The following NRG4 variants were observed in gnomAD, a reference collection of about 807,000 sequenced individuals.
NRG4 encodes the protein neuregulin 4.
A neutral mutation model predicts 15.0 loss-of-function variants in NRG4; 10 were observed. That is an observed-to-expected ratio of 0.67 (90% CI 0.41 to 1.13). NRG4 has a LOEUF of 1.13. Among genes scored for constraint, NRG4 ranks in the 50% most tolerant of loss-of-function variants. The pLI is 0.00. For synonymous variants in NRG4, 41 were observed against 50.1 expected (o/e 0.82, Z 0.77); for missense variants, 139 against 140.2 (o/e 0.99, Z 0.04).
Position 75,941,297 on chromosome 15 carries a change from A to T in NRG4, c.*2341T>A, listed in dbSNP as rs916071829. On this transcript the variant is annotated 3_prime_UTR_variant, in exon 6 of 6. Coordinates refer to ENST00000394907, the MANE Select transcript of NRG4 (RefSeq NM_138573.4). ...AAAAAACACACAAGTGTTGGCAAGG[A>T]TGTGGAGAAATTGGAACTCTTATTA... 5 of 152,172 alleles carry T rather than the reference A, an allele frequency of 3.3e-5. No homozygotes were observed. Among genetic ancestry groups the T allele is most frequent in the Non-Finnish European group, 7.4e-5 (5 of 68,006 alleles). The allele number at this position is 152,172 out of a possible 1,614,324, so 9.4% of individuals were successfully genotyped here. A position where few individuals can be genotyped will look rare whatever the true frequency, so the allele number is the denominator to read the frequency against.
intron 3 of NRG4, among the ~76,000 whole-genome samples, chr15:75,981,440 C>A (rs912044601): frequency 2.6e-5 from 4 of 152,124 alleles, no homozygotes; most frequent in Non-Finnish European, 4.4e-5. Context: ...CTATTTTAAG[C>A]CACTGAGTTT....
intron 2 of NRG4, among the ~76,000 whole-genome samples, chr15:76,056,341 CA>C (rs1449919881): frequency 6.6e-6 from 1 of 152,016 alleles, no homozygotes; most frequent in Non-Finnish European, 1.5e-5. Context: ...CCTGTAATCC[CA>C]GCTACTCAGG....
intron 3 of NRG4, among the ~76,000 whole-genome samples, chr15:76,004,216 T>G (rs1044950460): frequency 1.5e-4 from 23 of 152,342 alleles, no homozygotes; most frequent in African/African-American, 5.3e-4. Flanking sequence ...ATTAGTGTTA[T>G]AACTTTAAAA....
chr15:76,008,695 C>T (rs2034697753), intron 3 of NRG4, among the ~76,000 whole-genome samples: 1 of 152,134 alleles, frequency 6.6e-6, no homozygotes, highest in Non-Finnish European at 1.5e-5. Flanking sequence ...ACAATAGTGG[C>T]TAAGATACCC....
At chr15:75,947,417 T>A (rs1437674722) in intron 5 of NRG4, among the ~76,000 whole-genome samples, 1 of 152,196 alleles carries the variant, frequency 6.6e-6, no homozygotes, top group Non-Finnish European at 1.5e-5. Flanking sequence ...TCCTTATGAG[T>A]AGCCTGCCCT....
At position 75,942,188 on chromosome 15, in the gene NRG4, G is replaced by A. The variant is rs780772915; in HGVS notation, c.*1450C>T. Reference sequence around the variant, plus strand: ...GGGAGGGGTAAATACATGGAGTAGAGATTTTTAGGGTGGTGAAACTACTGT... The same window carrying A: ...GGGAGGGGTAAATACATGGAGTAGAAATTTTTAGGGTGGTGAAACTACTGT... On this transcript the variant is annotated 3_prime_UTR_variant, in exon 6 of 6. Coordinates refer to ENST00000394907, the MANE Select transcript of NRG4 (RefSeq NM_138573.4). The A allele has an allele frequency of 6.6e-6, 1 of 151,916 alleles. No individual in the cohort carries two copies. The highest frequency in any genetic ancestry group is 1.5e-5 in the Non-Finnish European group (1 of 67,982). 9.4% of individuals were successfully genotyped at this position (151,916 alleles called of 1,614,324 possible). A position where few individuals can be genotyped will look rare whatever the true frequency, so the allele number is the denominator to read the frequency against.
intron 4 of NRG4, among the ~76,000 whole-genome samples, chr15:76,039,078 G>A (rs905230478): frequency 1.6e-4 from 25 of 152,120 alleles, no homozygotes; most frequent in African/African-American, 5.8e-4. Flanking sequence ...ATGCAGACAT[G>A]GCTTAGATCT....
intron 3 of NRG4, 66 bp downstream of exon 3, chr15:76,009,129 ATCACT>A: frequency 1.3e-6 from 1 of 796,674 alleles, no homozygotes; most frequent in Non-Finnish European, 2.3e-6. Flanking sequence ...TTTACTTTTT[ATCACT>A]TCTCAAAGAA....
intron 3 of NRG4, among the ~76,000 whole-genome samples, chr15:75,984,287 G>A (rs951572589): frequency 2.0e-5 from 3 of 151,492 alleles, no homozygotes; most frequent in African/African-American, 4.9e-5. Context: ...CATGTGTCAC[G>A]GCAGGGGGTA....
intron 5 of NRG4, among the ~76,000 whole-genome samples, chr15:76,023,703 A>G (rs2035228483): frequency 6.6e-6 from 1 of 152,130 alleles, no homozygotes; most frequent in Non-Finnish European, 1.5e-5. Flanking sequence ...CTGGGGTTTC[A>G]TCTTCATTCC....
upstream of NRG4, among the ~76,000 whole-genome samples, chr15:76,016,417 A>C (rs1245432702): frequency 6.6e-6 from 1 of 151,902 alleles, no homozygotes; most frequent in African/African-American, 2.4e-5. Flanking sequence ...TAGTTCTTTT[A>C]ATTGTGATGT....
At chr15:76,009,067 T>G in intron 3 of NRG4, 133 bp downstream of exon 3, 1 of 627,792 alleles carries the variant, frequency 1.6e-6, no homozygotes, top group Non-Finnish European at 2.8e-6. Flanking sequence ...AAGGATAATT[T>G]TCCCTAAATA....
rs1477074979 is a variant in NRG4 at position 75,941,928 on chromosome 15, T to A, written c.*1710A>T. 1.8e-5 allele frequency: 2 copies of A among 108,916 alleles called. No homozygotes were observed. The highest frequency in any genetic ancestry group is 3.6e-5 in the Non-Finnish European group (2 of 55,236). 6.7% of individuals were successfully genotyped at this position (108,916 alleles called of 1,614,324 possible). On this transcript the variant is annotated 3_prime_UTR_variant, in exon 6 of 6. Coordinates refer to ENST00000394907, the MANE Select transcript of NRG4 (RefSeq NM_138573.4). ...CTTACGTACATTTTGCCACAGTAAATTTTTAAACCACCAAAAAAAAAAAAA... is the reference window on the plus strand; with the variant it reads ...CTTACGTACATTTTGCCACAGTAAAATTTTAAACCACCAAAAAAAAAAAAA...
Position 75,979,835 on chromosome 15 carries a change from TTTAA to T in NRG4, c.105-17865_105-17862del, listed in dbSNP as rs771826001. The stretch of plus-strand genomic sequence containing the variant: ...CCTATATATGCCCATTCTCAATCAA[TTTAA>T]TTAATTCTTATTAAAACAAGACAAA... On this transcript the variant is annotated intron_variant, in intron 3 of 5. Coordinates refer to ENST00000394907, the MANE Select transcript of NRG4 (RefSeq NM_138573.4). Among the ~76,000 whole-genome samples the T allele has an allele frequency of 9.8e-5, 15 of 152,312 alleles. No homozygotes were observed. The East Asian group carries it at 2.7e-3, about 27-fold the overall frequency.
chr15:75,988,781 C>T (rs1306711137), intron 3 of NRG4, among the ~76,000 whole-genome samples: 3 of 151,108 alleles, frequency 2.0e-5, no homozygotes, highest in African/African-American at 7.3e-5. Context: ...CACAAACACC[C>T]TGAGGAATAA....
intron 4 of NRG4, among the ~76,000 whole-genome samples, chr15:75,958,733 T>G (rs1242368982): frequency 6.6e-6 from 1 of 152,190 alleles, no homozygotes; most frequent in African/African-American, 2.4e-5. Flanking sequence ...ATTATACCTA[T>G]ACTTTCTACT....
At chr15:76,045,304 G>C (rs1204666059) in intron 4 of NRG4, among the ~76,000 whole-genome samples, 1 of 151,062 alleles carries the variant, frequency 6.6e-6, no homozygotes, top group Non-Finnish European at 1.5e-5. Context: ...TGCTGGAGGA[G>C]ATATGGAGAA....
chr15:76,040,048 TA>T (rs1303968203), intron 4 of NRG4, among the ~76,000 whole-genome samples: 1 of 142,710 alleles, frequency 7.0e-6, no homozygotes, highest in Admixed American at 6.9e-5. Flanking sequence ...CCCCGCCAAA[TA>T]AAAAAAAAGA....
chr15:75,989,566 A>G (rs2033929877), intron 3 of NRG4, among the ~76,000 whole-genome samples: 1 of 152,104 alleles, frequency 6.6e-6, no homozygotes, highest in Non-Finnish European at 1.5e-5. Context: ...ATTCATTAAT[A>G]TTTTATTCTG....
Sources: gnomAD v4.1 joint callset for allele counts (sites outside exome capture counted in the v4.1 genomes callset) on GRCh38, gnomAD v4.1.1 for gene constraint, MANE v1.5 for transcripts, NCBI Gene and HGNC (gene_info 2026-07-23, HGNC 2026-07-21) for gene names.